MICALL1: variants seen among roughly 807,000 people sequenced by gnomAD.
MICALL1 encodes the protein MICAL like 1.
A neutral mutation model predicts 83.7 loss-of-function variants in MICALL1; 61 were observed. The observed-to-expected ratio is 0.73, with a 90% confidence interval of 0.59 to 0.90. The LOEUF (loss-of-function observed/expected upper bound fraction) is 0.90. Among genes scored for constraint, MICALL1 ranks in the 40% least tolerant of loss-of-function variants. The pLI, the probability that MICALL1 is intolerant of heterozygous loss-of-function variation, is 0.00. For synonymous variants in MICALL1, 481 were observed against 473.6 expected, an observed-to-expected ratio of 1.02 and a Z score of -0.20; for missense variants, 1,066 against 1,152.0, an observed-to-expected ratio of 0.93 and a Z score of 1.08.
rs1018699092 is a variant in MICALL1, at chr22:37,941,948, G to T, written c.*1118G>T. ...TTCCCTCTACACACCTCTGGGAAAA[G>T]ATTACACTGTATTAACTCTCGAGGA... On this transcript the variant is annotated 3_prime_UTR_variant, in exon 16 of 16. Transcript: ENST00000215957. 1 of 152,260 alleles carries T rather than the reference G, an allele frequency of 6.6e-6. No homozygotes were observed. The highest frequency in any genetic ancestry group is 2.4e-5 in the African/African-American group (1 of 41,462). The allele number at this position is 152,260 out of a possible 1,614,324, so 9.4% of individuals were successfully genotyped here.
At chr22:37,934,575 G>T (rs1929979995) in intron 13 of MICALL1, among the ~76,000 whole-genome samples, 1 of 150,840 alleles carries the variant, frequency 6.6e-6, no homozygotes, top group Admixed American at 6.6e-5. Flanking sequence ...TTTATTTTGG[G>T]GGGGGGTATT....
rs1028536008 is a variant in MICALL1, at chr22:37,906,843, C to T, written c.146+275C>T. ...GGGGACACTGGCCCCGCCCACAAAG[C>T]GCTGATTTCCGCCGAGGATCGCTGA... On this transcript the variant is annotated intron_variant, in intron 1 of 15. Transcript: ENST00000215957. This position sits in a 1 kb window ranked among gnomAD's most constrained non-coding sequence, Gnocchi z 4.4. 3.9e-5 allele frequency: 7 copies of T among 178,976 alleles called. No homozygotes were observed. The highest frequency in any genetic ancestry group is 1.4e-4 in the African/African-American group (6 of 42,254). 11.1% of individuals were successfully genotyped at this position (178,976 alleles called of 1,614,324 possible). A position where few individuals can be genotyped will look rare whatever the true frequency, so the allele number is the denominator to read the frequency against.
At position 37,940,872 on chromosome 22, in the gene MICALL1, G is replaced by GCTC. The variant is rs771215172; in HGVS notation, c.*45_*47dup. On this transcript the variant is annotated 3_prime_UTR_variant, in exon 16 of 16. Transcript: ENST00000215957. ...TTGGGGACTGCCCCCTCCTGGAGCA[G>GCTC]CTCCTGGGCTGTGCTCTGTTTGAAG... 1.9e-5 allele frequency: 30 copies of GCTC among 1,610,142 alleles called. No homozygotes were observed. The Admixed American group carries it at 5.0e-4, about 27-fold the overall frequency.
chr22:37,927,658 G>A lies in MICALL1; in HGVS notation c.1713G>A (p.Val571=), dbSNP rs1327040624. ...CTGGGGAACTAGTGGAGCCTAGAGT[G>A]GAACAAATGCCTCAAGCCAGCCCTG... ...ASSGELVEPR[V]EQMPQASPGL... Residue 571 remains valine, a synonymous_variant, in exon 9 of 16, where the codon GTG becomes GTA. Coordinates refer to ENST00000215957, the MANE Select transcript of MICALL1 (RefSeq NM_033386.4). The A allele has an allele frequency of 5.0e-6, 8 of 1,614,144 alleles. No homozygotes were observed. Among genetic ancestry groups the A allele is most frequent in the Non-Finnish European group, 6.8e-6 (8 of 1,180,032 alleles).
In MICALL1 at chr22:37,927,676, C is replaced by T. The variant is rs1227367660; in HGVS notation, c.1731C>T (p.Ala577=). The change falls in exon 9 of 16, where the codon GCC becomes GCT. Residue 577 remains alanine (A), a synonymous_variant. Transcript: ENST00000215957. ...CTAGAGTGGAACAAATGCCTCAAGC[C>T]AGCCCTGGCCTTGCCCCCAGGACCA... is the stretch of plus-strand genomic sequence containing the variant. ...VEPRVEQMPQ[A]SPGLAPRTRG... is the part of the protein sequence containing the mutation. 2 of 1,614,182 alleles carry T rather than the reference C, an allele frequency of 1.2e-6. No individual in the cohort carries two copies. Among genetic ancestry groups the T allele is most frequent in the African/African-American group, 1.3e-5 (1 of 75,050 alleles).
chr22:37,931,859 A>G lies in MICALL1; in HGVS notation c.1942A>G (p.Lys648Glu). 6.2e-7 allele frequency: 1 copy of G among 1,614,088 alleles called. No homozygotes were observed. The highest frequency in any genetic ancestry group is 1.6e-4 in the Middle Eastern group (1 of 6,062). The change falls in exon 10 of 16, where the codon AAG (lysine) becomes GAG (glutamate). Residue 648 changes from lysine (K) to glutamate (E), a missense_variant. By Grantham distance (56) the Lys-to-Glu change is moderately conservative. Coordinates refer to ENST00000215957, the MANE Select transcript of MICALL1 (RefSeq NM_033386.4). ...ATCACCTGCAGCGTCCCCAGCCACA[A>G]AGAAGGCCACCAAGGGATCCAAGCC... Reference protein sequence around the residue: ...KPSPAASPATKKATKGSKPVR... With the variant: ...KPSPAASPATEKATKGSKPVR...
intron 15 of MICALL1, among the ~76,000 whole-genome samples, chr22:37,939,169 A>T (rs1178632650): frequency 6.6e-6 from 1 of 152,134 alleles, no homozygotes; most frequent in African/African-American, 2.4e-5. Flanking sequence ...TCTGGCACTT[A>T]TGAGCTGGGT....
At chr22:37,925,039 TAGC>T (rs1301545462) in intron 7 of MICALL1, among the ~76,000 whole-genome samples, 1 of 152,114 alleles carries the variant, frequency 6.6e-6, no homozygotes, top group Non-Finnish European at 1.5e-5. Context: ...ATTTGAGGCT[TAGC>T]AGCAGAGTAT....
intron 9 of MICALL1, among the ~76,000 whole-genome samples, chr22:37,928,452 C>T (rs778598771): frequency 5.3e-5 from 8 of 152,128 alleles, no homozygotes; most frequent in Admixed American, 1.3e-4. Context: ...ACGATCCACC[C>T]GCCTTGGCCT....
Position 37,937,696 on chromosome 22 carries a change from T to G in MICALL1, c.2424-50T>G, listed in dbSNP as rs769775742. ...ACCTTGGCCTCCCAAAGTGCTGGGA[T>G]TACAGGTGTGAGCCACCACGCCCAG... is the stretch of plus-strand genomic sequence containing the variant. On this transcript the variant is annotated intron_variant, in intron 14 of 15. Transcript: ENST00000215957. The G allele has an allele frequency of 1.1e-5, 17 of 1,599,868 alleles. No homozygotes were observed. The African/African-American group carries it at 2.3e-4, about 21-fold the overall frequency.
chr22:37,916,819 C>T (rs374988897), intron 3 of MICALL1, among the ~76,000 whole-genome samples: 1 of 152,122 alleles, frequency 6.6e-6, no homozygotes, highest in Non-Finnish European at 1.5e-5. Context: ...AAGGGCCTCT[C>T]CCCAGTCAGC....
In MICALL1 at chr22:37,924,812, G is replaced by A; in HGVS notation, c.1082+95G>A. ...CGGGTAGGGAGAGAGGCTTCCTGTG[G>A]ATGGGCAGGGCGGGGCTCAGGAGGG... is the stretch of plus-strand genomic sequence containing the variant. On this transcript the variant is annotated intron_variant, in intron 7 of 15. Transcript: ENST00000215957. This position sits in a 1 kb window ranked among gnomAD's most constrained non-coding sequence, Gnocchi z 5.2. 1 of 1,280,358 alleles carries A rather than the reference G, an allele frequency of 7.8e-7. No homozygotes were observed. The highest frequency in any genetic ancestry group is 1.1e-6 in the Non-Finnish European group (1 of 903,578). 79.3% of individuals were successfully genotyped at this position (1,280,358 alleles called of 1,614,324 possible).
intron 13 of MICALL1, among the ~76,000 whole-genome samples, chr22:37,936,009 G>A (rs930231665): frequency 1.6e-4 from 24 of 152,204 alleles, no homozygotes; most frequent in African/African-American, 5.3e-4. Flanking sequence ...GATTACAGGA[G>A]TGAGCCACCG....
In MICALL1 at chr22:37,927,401, G is replaced by A. The variant is rs778471507; in HGVS notation, c.1466-10G>A. On this transcript the variant is annotated splice_polypyrimidine_tract_variant and intron_variant, in intron 8 of 15. Transcript: ENST00000215957. ...CCCCTTGTGAGGTGTCCTGGTGCTC[G>A]TCCGCACAGCTCTCCACGCCTCCCG... The A allele has an allele frequency of 9.6e-6, 15 of 1,563,776 alleles. No individual in the cohort carries two copies. The highest frequency in any genetic ancestry group is 5.4e-5 in the African/African-American group (4 of 74,262).
chr22:37,925,681 A>AC lies in MICALL1; in HGVS notation c.1109dup (p.Trp371MetfsTer55), dbSNP rs755721071. 1.4e-6 allele frequency: 2 copies of AC among 1,475,020 alleles called. No homozygotes were observed. Among genetic ancestry groups the AC allele is most frequent in the Non-Finnish European group, 1.8e-6 (2 of 1,095,330 alleles). 91.4% of individuals were successfully genotyped at this position (1,475,020 alleles called of 1,614,324 possible). ...TCCAGGACACCAGCCCCCAGGAAGG[A>AC]CCCCCCATGGATCACGCTGGTGCAG... On this transcript the variant is annotated frameshift_variant, in exon 8 of 16. Transcript: ENST00000215957. LOFTEE classifies it high-confidence loss of function.
intron 1 of MICALL1, among the ~76,000 whole-genome samples, chr22:37,909,459 C>T (rs556633410): frequency 3.4e-5 from 5 of 148,102 alleles, no homozygotes; most frequent in South Asian, 2.1e-4. Context: ...CTTGGGTTCA[C>T]GCCATTCTCC....
At position 37,906,524 on chromosome 22, in the gene MICALL1, C is replaced by T; in HGVS notation, c.102C>T (p.Gly34=). 4 of 1,238,876 alleles carry T rather than the reference C, an allele frequency of 3.2e-6. No homozygotes were observed. Among genetic ancestry groups the T allele is most frequent in the Non-Finnish European group, 3.1e-6 (3 of 980,104 alleles). The allele number at this position is 1,238,876 out of a possible 1,614,324, so 76.7% of individuals were successfully genotyped here. A position where few individuals can be genotyped will look rare whatever the true frequency, so the allele number is the denominator to read the frequency against. The stretch of plus-strand genomic sequence containing the variant: ...ACCTGAGCAGCTCCTTCCGGGACGG[C>T]CTGGCCTTCTGCGCCATCCTGCACC... The part of the protein sequence containing the change: ...IRDLSSSFRD[G]LAFCAILHRH... The change falls in exon 1 of 16, where the codon GGC becomes GGT. Residue 34 remains glycine (G), a synonymous_variant. Transcript: ENST00000215957. The surrounding 1 kb of genome is among the most constrained non-coding windows in gnomAD (Gnocchi z 4.4).
Position 37,932,653 on chromosome 22 carries a change from A to G in MICALL1, c.2117A>G (p.Glu706Gly). 6.2e-7 allele frequency: 1 copy of G among 1,613,968 alleles called. No homozygotes were observed. Among genetic ancestry groups the G allele is most frequent in the Non-Finnish European group, 8.5e-7 (1 of 1,179,966 alleles). ...DALEHRGVLL[E>G]EKLRGGLNEG... ...CTGGAGCACCGTGGGGTGCTGCTGG[A>G]GGAGAAGCTGCGTGGCGGCCTGAAT... Residue 706 changes from glutamate (E) to glycine (G), a missense_variant, in exon 11 of 16, where the codon GAG becomes GGG. Physicochemically the swap from Glu to Gly is moderately conservative, Grantham distance 98 (BLOSUM62 -2). Coordinates refer to ENST00000215957, the MANE Select transcript of MICALL1 (RefSeq NM_033386.4). The surrounding 1 kb of genome is among the most constrained non-coding windows in gnomAD (Gnocchi z 4.4).
intron 13 of MICALL1, 59 bp from the exon 14 acceptor site, chr22:37,937,021 C>T (rs931306297): frequency 1.3e-5 from 19 of 1,431,390 alleles, no homozygotes; most frequent in Non-Finnish European, 1.6e-5. Flanking sequence ...CTCCTGGTGG[C>T]CTGGGGAGGA....
Sources: allele counts gnomAD v4.1 joint callset (sites outside exome capture counted in the v4.1 genomes callset), GRCh38; gene constraint gnomAD v4.1.1; non-coding constraint Gnocchi (gnomAD v3.1); transcripts MANE v1.5; gene names NCBI Gene and HGNC (gene_info 2026-07-23, HGNC 2026-07-21).